UBR2: variants seen among roughly 807,000 people sequenced by gnomAD.
UBR2 encodes the protein E3 ubiquitin-protein ligase UBR2.
In UBR2, 92 loss-of-function variants were observed where a neutral mutation model predicts 247.9. The ratio of observed to expected loss-of-function variants is 0.37; its 90% confidence interval spans 0.31 to 0.44. The LOEUF (loss-of-function observed/expected upper bound fraction) is 0.44, where lower values mean the gene tolerates loss of function less well. UBR2 is among the 20% of genes least tolerant of loss of function. UBR2 has a pLI of 1.00. For missense variants in UBR2, 1,613 were observed against 2,112.6 expected (o/e 0.76, Z 4.64); for synonymous variants, 672 against 693.5 (o/e 0.97, Z 0.49).
In UBR2 at chr6:42,646,812, T is replaced by TAGAG. The variant is rs564000137; in HGVS notation, c.2409+1223_2409+1224insGAGA. On this transcript the variant is annotated intron_variant, in intron 21 of 46. Coordinates refer to ENST00000372901, the MANE Select transcript of UBR2 (RefSeq NM_001363705.2). ...AATAATTTATATATATATGTTTATA[T>TAGAG]ATATATATAGAGAGAGAGAGAGAGA... Among the ~76,000 whole-genome samples, 831 of 146,550 alleles carry TAGAG rather than the reference T, an allele frequency of 5.7e-3. 5 individuals carry two copies. Among genetic ancestry groups the TAGAG allele is most frequent in the Middle Eastern group, 0.011 (3 of 274 alleles).
chr6:42,676,486 T>C (rs185179013), intron 39 of UBR2, among the ~76,000 whole-genome samples: 1 of 152,354 alleles, frequency 6.6e-6, no homozygotes, highest in East Asian at 1.9e-4. Context: ...AACTTACATG[T>C]TTGTTAATGC....
At position 42,615,101 on chromosome 6, in the gene UBR2, G is replaced by A; in HGVS notation, c.1016G>A (p.Gly339Asp). The change falls in exon 9 of 47, where the codon GGT becomes GAT. Residue 339 changes from glycine (G) to aspartate (D), a missense_variant. Gly to Asp is a moderately conservative substitution (Grantham distance 94). Coordinates refer to ENST00000372901, the MANE Select transcript of UBR2 (RefSeq NM_001363705.2). ...CTTCGCCGGATTTTATGTCAAGTTG[G>A]TTTACAAGAAGGGCCAGATGGTGAA... ...DGLRRILCQVGLQEGPDGENS... is the reference protein window; with the variant it reads ...DGLRRILCQVDLQEGPDGENS... 1 of 1,613,228 alleles carries A rather than the reference G, an allele frequency of 6.2e-7. No individual in the cohort carries two copies. The highest frequency in any genetic ancestry group is 1.1e-5 in the South Asian group (1 of 90,892).
intron 36 of UBR2, among the ~76,000 whole-genome samples, chr6:42,671,897 G>A (rs1798463686): frequency 6.6e-6 from 1 of 152,024 alleles, no homozygotes; most frequent in African/African-American, 2.4e-5. Flanking sequence ...CTTTATCTTA[G>A]GTGTAGGTTA....
chr6:42,635,337 C>T, intron 13 of UBR2, 81 bp from the exon 14 acceptor site: 1 of 1,368,034 alleles, frequency 7.3e-7, no homozygotes, highest in South Asian at 1.3e-5. Context: ...ATATATATTT[C>T]TCCTACATTA....
At chr6:42,591,320 G>A (rs1188330728) in intron 2 of UBR2, among the ~76,000 whole-genome samples, 1 of 152,170 alleles carries the variant, frequency 6.6e-6, no homozygotes, top group Non-Finnish European at 1.5e-5. Flanking sequence ...CCATCTACTA[G>A]CACCCTTATC....
rs543684264 is a variant in UBR2, at chr6:42,607,009, C to G, written c.864+358C>G. Among the ~76,000 whole-genome samples the G allele has an allele frequency of 2.6e-5, 4 of 152,142 alleles. No individual in the cohort carries two copies. The East Asian group carries it at 7.7e-4, about 29-fold the overall frequency. On this transcript the variant is annotated intron_variant, in intron 7 of 46. Transcript: ENST00000372901. ...TGCAAGCAAAGTTGTTTCTTGGTAC[C>G]TTATGGCAAAATATATTCCATATCC...
chr6:42,592,938 G>C (rs147202359), intron 3 of UBR2, among the ~76,000 whole-genome samples: 318 of 152,246 alleles, frequency 2.1e-3, no homozygotes, highest in Non-Finnish European at 3.0e-3. Flanking sequence ...ACTTTGGGAG[G>C]CCAAGGCAGG....
chr6:42,610,560 T>G, intron 7 of UBR2, among the ~76,000 whole-genome samples: 1 of 152,308 alleles, frequency 6.6e-6, no homozygotes, highest in South Asian at 2.1e-4. Flanking sequence ...GAGAACATTA[T>G]GCTAAGTGAA....
chr6:42,613,249 G>A (rs116908268), intron 8 of UBR2, among the ~76,000 whole-genome samples: 2 of 152,262 alleles, frequency 1.3e-5, no homozygotes, highest in East Asian at 3.9e-4. Context: ...AAGCTGTTAT[G>A]CTATTCTTCA....
intron 2 of UBR2, among the ~76,000 whole-genome samples, chr6:42,588,389 G>A (rs556089082): frequency 1.3e-5 from 2 of 152,260 alleles, no homozygotes; most frequent in Non-Finnish European, 2.9e-5. Context: ...TTTTATAGGG[G>A]CCAGGCATGG....
intron 45 of UBR2, 84 bp downstream of exon 45, chr6:42,688,470 A>T: frequency 6.7e-7 from 1 of 1,483,412 alleles, no homozygotes; most frequent in Non-Finnish European, 9.2e-7. Flanking sequence ...CTATATTGCC[A>T]GGAATTTTGA....
intron 7 of UBR2, among the ~76,000 whole-genome samples, chr6:42,609,861 A>G (rs1454304831): frequency 2.0e-5 from 3 of 149,054 alleles, no homozygotes; most frequent in Non-Finnish European, 4.5e-5. Context: ...ACACCATTGC[A>G]TTCCAGCCTG....
chr6:42,683,001 A>T, intron 42 of UBR2, 54 bp from the exon 43 acceptor site: 1 of 1,514,706 alleles, frequency 6.6e-7, no homozygotes, highest in Non-Finnish European at 9.0e-7. Flanking sequence ...AAAAAATTCT[A>T]GTTCTAACCC....
chr6:42,631,863 TA>T (rs1562332928), intron 11 of UBR2, among the ~76,000 whole-genome samples: 2 of 89,816 alleles, frequency 2.2e-5, no homozygotes, highest in African/African-American at 1.1e-4. Flanking sequence ...TCTGATTTTA[TA>T]TATATATATA....
chr6:42,674,539 T>G (rs765715186), intron 38 of UBR2, among the ~76,000 whole-genome samples: 38 of 152,204 alleles, frequency 2.5e-4, no homozygotes, highest in Admixed American at 5.2e-4. Flanking sequence ...TCACCCCAGA[T>G]CACTTGAGGT....
Position 42,691,372 on chromosome 6 carries a change from A to T in UBR2, c.*199A>T. ...CTTGCACTGTTTGCTGTGCCCCTCA[A>T]ATATAATGTCTTGGGTTTTAAGATC... On this transcript the variant is annotated 3_prime_UTR_variant, in exon 47 of 47. Coordinates refer to ENST00000372901, the MANE Select transcript of UBR2 (RefSeq NM_001363705.2). 5.9e-6 allele frequency: 4 copies of T among 673,314 alleles called. No individual in the cohort carries two copies. Among genetic ancestry groups the T allele is most frequent in the Non-Finnish European group, 9.7e-6 (4 of 412,446 alleles). The allele number at this position is 673,314 out of a possible 1,614,324, so 41.7% of individuals were successfully genotyped here. A position where few individuals can be genotyped will look rare whatever the true frequency, so the allele number is the denominator to read the frequency against.
At chr6:42,570,984 C>G (rs1335747483) in intron 1 of UBR2, among the ~76,000 whole-genome samples, 1 of 151,338 alleles carries the variant, frequency 6.6e-6, no homozygotes, top group Non-Finnish European at 1.5e-5. Flanking sequence ...AGAGCCTGGC[C>G]GATTTTTTTT....
rs759422974 is a variant in UBR2, at chr6:42,655,743, C to G, written c.2872+20C>G. The G allele has an allele frequency of 7.5e-7, 1 of 1,333,596 alleles. No homozygotes were observed. The highest frequency in any genetic ancestry group is 1.0e-6 in the Non-Finnish European group (1 of 979,542). 82.6% of individuals were successfully genotyped at this position (1,333,596 alleles called of 1,614,324 possible). On this transcript the variant is annotated intron_variant, in intron 26 of 46. Coordinates refer to ENST00000372901, the MANE Select transcript of UBR2 (RefSeq NM_001363705.2). Reference sequence around the variant, plus strand: ...TATCAAGTATGTATATATCTTTTTACTAAACTAACTCAAGATATAAATGAT... The same window carrying G: ...TATCAAGTATGTATATATCTTTTTAGTAAACTAACTCAAGATATAAATGAT...
At chr6:42,630,309 C>T (rs1305456475) in intron 11 of UBR2, among the ~76,000 whole-genome samples, 3 of 151,500 alleles carry the variant, frequency 2.0e-5, no homozygotes, top group Non-Finnish European at 2.9e-5. Context: ...CTCAGCCTCC[C>T]GAGTAGCTGG....
Sources: gnomAD v4.1 joint callset for allele counts (sites outside exome capture counted in the v4.1 genomes callset) on GRCh38, gnomAD v4.1.1 for gene constraint, MANE v1.5 for transcripts, NCBI Gene and HGNC (gene_info 2026-07-23, HGNC 2026-07-21) for gene names.